CXorf66: variants seen among roughly 807,000 people sequenced by gnomAD.
CXorf66 encodes uncharacterized protein CXorf66.
CXorf66 carries 6 observed loss-of-function variants against 5.0 expected under a neutral mutation model. The observed-to-expected ratio is 1.20, with a 90% CI of 0.65 to 2.36. CXorf66 has a LOEUF of 2.36. Ranked by LOEUF, CXorf66 falls within the 30% of genes most tolerant of loss-of-function variation. CXorf66 has a pLI of 0.00. For missense variants in CXorf66, 270 were observed against 254.9 expected, an observed-to-expected ratio of 1.06 and a Z score of -0.40; for synonymous variants, 98 against 102.8, an observed-to-expected ratio of 0.95 and a Z score of 0.28.
chrX:139,956,235 C>CACTG lies in CXorf66; in HGVS notation c.743_746dup (p.Leu251GlufsTer12). The CACTG allele has an allele frequency of 8.3e-7, 1 of 1,211,771 alleles. No homozygotes were observed. Among genetic ancestry groups the CACTG allele is most frequent in the African/African-American group, 1.7e-5 (1 of 57,808 alleles). On this transcript the variant is annotated frameshift_variant, in exon 3 of 3. Transcript: ENST00000370540. LOFTEE classifies it low-confidence loss of function (END_TRUNC). ...ATAATAAGGCTGCCCTGCCTAGACT[C>CACTG]ACTGACCTTTTTGGATTAAAATGTT...
At chrX:139,958,016 TAC>T (rs753088382) in intron 2 of CXorf66, 46 bp downstream of exon 2, 1,507 of 1,060,232 alleles carry the variant, frequency 1.4e-3, no homozygotes, top group Admixed American at 2.3e-3. Context: ...CCGCTATATG[TAC>T]ACACACACAC....
intron 1 of CXorf66, among the ~76,000 whole-genome samples, chrX:139,960,745 A>T (rs1603422749): frequency 8.9e-6 from 1 of 111,985 alleles, no homozygotes; most frequent in East Asian, 2.8e-4. Flanking sequence ...CAGAAACTCT[A>T]CAAGCCAGAA....
chrX:139,961,653 C>T (rs567851037), intron 1 of CXorf66, among the ~76,000 whole-genome samples: 1 of 111,842 alleles, frequency 8.9e-6, no homozygotes, highest in African/African-American at 3.2e-5. Flanking sequence ...TATTCTAAAA[C>T]CAACCACGTG....
At chrX:139,961,123 G>A (rs2085591849) in intron 1 of CXorf66, among the ~76,000 whole-genome samples, 1 of 111,731 alleles carries the variant, frequency 9.0e-6, no homozygotes, top group Non-Finnish European at 1.9e-5. Context: ...CCAATTAAAA[G>A]ACATAGACTG....
chrX:139,965,474 A>G lies in CXorf66; in HGVS notation c.23T>C (p.Leu8Pro). MNLVICV[L>P]LLSIWKNNCM... ...ATTATTTTTCCAAATGGACAAAAGT[A>G]GGACACAAATAACAAGATTCATGTC... The change falls in exon 1 of 3, where the codon CTA (leucine) becomes CCA (proline). Residue 8 changes from leucine (L) to proline (P), a missense_variant. Transcript: ENST00000370540. The G allele has an allele frequency of 8.3e-7, 1 of 1,206,303 alleles. No individual in the cohort carries two copies. Among genetic ancestry groups the G allele is most frequent in the Non-Finnish European group, 1.1e-6 (1 of 891,617 alleles).
At chrX:139,961,714 G>A (rs774144080) in intron 1 of CXorf66, among the ~76,000 whole-genome samples, 2 of 111,774 alleles carry the variant, frequency 1.8e-5, no homozygotes, top group Admixed American at 9.6e-5. Flanking sequence ...AAATCATAAC[G>A]AATGGTCTTT....
At chrX:139,956,888 T>C in intron 2 of CXorf66, 149 bp from the exon 3 acceptor site, 1 of 570,112 alleles carries the variant, frequency 1.8e-6, no homozygotes, top group Non-Finnish European at 2.7e-6. Flanking sequence ...GTGTGACGGC[T>C]GTGTGTGGTG....
intron 1 of CXorf66, among the ~76,000 whole-genome samples, chrX:139,960,842 G>T (rs143964566): frequency 0.032 from 3,595 of 111,496 alleles, 132 homozygotes; most frequent in African/African-American, 0.11. Flanking sequence ...TTTCATAAAT[G>T]AAAGAGAAAT....
chrX:139,958,318 G>T (rs7053442), intron 1 of CXorf66, 101 bp from the exon 2 acceptor site: 51 of 586,935 alleles, frequency 8.7e-5, no homozygotes, highest in African/African-American at 6.1e-4. Context: ...ATTTCTTCAT[G>T]AATTATTTTT....
At chrX:139,959,892 G>T (rs894367590) in intron 1 of CXorf66, among the ~76,000 whole-genome samples, 1 of 111,378 alleles carries the variant, frequency 9.0e-6, no homozygotes, top group African/African-American at 3.3e-5. Context: ...CAACAAAAAG[G>T]ACCCCCACAC....
rs1305995523 is a variant in CXorf66 at position 139,955,755 on chromosome X, T to C, written c.*141A>G. ...TATGTCATGCATTTTATTGATATTT[T>C]TAAAATAAATCGCCTCCAAGACAGA... On this transcript the variant is annotated 3_prime_UTR_variant, in exon 3 of 3. Coordinates refer to ENST00000370540, the MANE Select transcript of CXorf66 (RefSeq NM_001013403.3). The C allele has an allele frequency of 2.1e-6, 1 of 465,795 alleles. No individual in the cohort carries two copies. Among genetic ancestry groups the C allele is most frequent in the East Asian group, 3.8e-5 (1 of 26,111 alleles). The allele number at this position is 465,795 out of a possible 1,213,427, so 38.4% of individuals were successfully genotyped here.
At chrX:139,961,241 C>A (rs1043785460) in intron 1 of CXorf66, among the ~76,000 whole-genome samples, 3 of 111,432 alleles carry the variant, frequency 2.7e-5, no homozygotes, top group African/African-American at 9.8e-5. Flanking sequence ...GGAATATTTA[C>A]CAAGTGAATG....
rs1416077600 is a variant in CXorf66 at position 139,956,625 on chromosome X, T to A, written c.357A>T (p.Ser119=). The change falls in exon 3 of 3, where the codon TCA becomes TCT. Residue 119 remains serine, a synonymous_variant. Coordinates refer to ENST00000370540, the MANE Select transcript of CXorf66 (RefSeq NM_001013403.3). ...TQPMLSTADK[S]SDSSSPERAS... ...CCCTTTCTGGACTCGATGAATCAGA[T>A]GACTTGTCTGCAGTAGATAGCATGG... is the stretch of plus-strand genomic sequence containing the variant. 1 of 1,211,616 alleles carries A rather than the reference T, an allele frequency of 8.3e-7. No individual in the cohort carries two copies. The highest frequency in any genetic ancestry group is 1.8e-5 in the South Asian group (1 of 56,974).
At chrX:139,960,679 G>A (rs1031070606) in intron 1 of CXorf66, among the ~76,000 whole-genome samples, 1 of 111,489 alleles carries the variant, frequency 9.0e-6, no homozygotes, top group Non-Finnish European at 1.9e-5. Context: ...CAGCCAGAGA[G>A]AAAGGTCAGA....
At position 139,956,736 on chromosome X, in the gene CXorf66, G is replaced by T. The variant is rs763328404; in HGVS notation, c.246C>A (p.Val82=). ...ACTTGGCTGCTATGCCTTTTTTCTTGACCCTGAAAGTATAGAAAATTTGGA... is the reference window on the plus strand; with the variant it reads ...ACTTGGCTGCTATGCCTTTTTTCTTTACCCTGAAAGTATAGAAAATTTGGA... ...LSDDASKAGM[V]KKKGIAAKSS... The change falls in exon 3 of 3, where the codon GTC becomes GTA. Residue 82 remains valine, a synonymous_variant. Transcript: ENST00000370540. 12 of 1,197,268 alleles carry T rather than the reference G, an allele frequency of 1.0e-5. No individual in the cohort carries two copies. The highest frequency in any genetic ancestry group is 3.4e-6 in the Non-Finnish European group (3 of 889,313).
Position 139,956,608 on chromosome X carries a change from G to A in CXorf66, c.374C>T (p.Pro125Leu), listed in dbSNP as rs2085574660. The change falls in exon 3 of 3, where the codon CCA becomes CTA. Residue 125 changes from proline to leucine, a missense_variant. By Grantham distance (98) the Pro-to-Leu change is moderately conservative (BLOSUM62 -3). Coordinates refer to ENST00000370540, the MANE Select transcript of CXorf66 (RefSeq NM_001013403.3). ...GCTGGATTGTGCGGATGCCCTTTCT[G>A]GACTCGATGAATCAGATGACTTGTC... is the stretch of plus-strand genomic sequence containing the variant. ...TADKSSDSSSPERASAQSSTE... is the reference protein window; with the variant it reads ...TADKSSDSSSLERASAQSSTE... 8.3e-7 allele frequency: 1 copy of A among 1,209,209 alleles called. No homozygotes were observed. The highest frequency in any genetic ancestry group is 1.8e-5 in the African/African-American group (1 of 56,955).
chrX:139,962,642 T>G (rs943503778), intron 1 of CXorf66, among the ~76,000 whole-genome samples: 9 of 111,777 alleles, frequency 8.1e-5, no homozygotes, highest in Admixed American at 5.7e-4. Context: ...CAGGTCAATA[T>G]CCCTGATGAA....
At chrX:139,958,272 C>T in intron 1 of CXorf66, 55 bp from the exon 2 acceptor site, 1 of 890,415 alleles carries the variant, frequency 1.1e-6, no homozygotes, top group Non-Finnish European at 1.5e-6. Context: ...TTTTTTTCCA[C>T]ATTGATAGTG....
chrX:139,965,379 A>T, intron 1 of CXorf66, 30 bp downstream of exon 1: 1 of 1,037,240 alleles, frequency 9.6e-7, no homozygotes, highest in Non-Finnish European at 1.4e-6. Flanking sequence ...AACAGATCAT[A>T]ATTTACAAGT....
Sources: gnomAD v4.1 joint callset for allele counts (sites outside exome capture counted in the v4.1 genomes callset) on GRCh38, gnomAD v4.1.1 for gene constraint, MANE v1.5 for transcripts, NCBI Gene and HGNC (gene_info 2026-07-23, HGNC 2026-07-21) for gene names.